The following BPNT1 variants were observed in gnomAD, a reference collection of about 807,000 sequenced individuals.
The protein encoded by BPNT1 is 3'(2'), 5'-bisphosphate nucleotidase 1, also known as 3'(2'),5'-bisphosphate nucleotidase 1.
Under a neutral mutation model 36.9 loss-of-function variants are expected in BPNT1, and 28 were observed. The observed-to-expected ratio is 0.76, with a 90% CI of 0.56 to 1.04. BPNT1 has a LOEUF of 1.04. Ranked by LOEUF, BPNT1 falls within the 50% of genes least tolerant of loss-of-function variation. The pLI, the probability that BPNT1 is intolerant of heterozygous loss-of-function variation, is 0.00. For missense variants in BPNT1, 313 were observed against 372.9 expected (o/e 0.84, Z 1.32); for synonymous variants, 119 against 130.9 (o/e 0.91, Z 0.62).
Position 220,058,907 on chromosome 1 carries a change from C to T in BPNT1, c.864G>A (p.Leu288=). The change falls in exon 9 of 9, where the codon CTG becomes CTA. Residue 288 remains leucine, a synonymous_variant. Transcript: ENST00000322067. ...GGCTTGCATAGTAGTCATAATTCCT[C>T]AGTGTGGCCAGGACTCCTGCAGAGT... is the stretch of plus-strand genomic sequence containing the variant. ...HMNSAGVLAT[L]RNYDYYASRV... The T allele has an allele frequency of 1.2e-6, 2 of 1,614,060 alleles. No individual in the cohort carries two copies. The highest frequency in any genetic ancestry group is 1.7e-6 in the Non-Finnish European group (2 of 1,179,936).
chr1:220,066,247 C>A (rs1350909840), intron 6 of BPNT1: 3 of 507,082 alleles, frequency 5.9e-6, no homozygotes, highest in Non-Finnish European at 9.9e-6. Flanking sequence ...TTAAATGCCC[C>A]TTTTGAAAGT....
At position 220,070,697 on chromosome 1, in the gene BPNT1, C is replaced by T. The variant is rs375088916; in HGVS notation, c.334-1265G>A. ...CAGAATGGTCTTGATCTCTTGACCT[C>T]GTGATCCGCCTACCTCAGCCTCCCA... On this transcript the variant is annotated intron_variant, in intron 4 of 8. Transcript: ENST00000322067. Among the ~76,000 whole-genome samples the T allele has an allele frequency of 1.3e-4, 20 of 150,850 alleles. No homozygotes were observed. The East Asian group carries it at 1.8e-3, about 14-fold the overall frequency.
At chr1:220,070,607 G>A (rs370900869) in intron 4 of BPNT1, among the ~76,000 whole-genome samples, 6 of 151,810 alleles carry the variant, frequency 4.0e-5, no homozygotes, top group South Asian at 2.1e-4. Context: ...GACTACAGGC[G>A]CGCACCACCA....
chr1:220,082,182 A>T (rs1297887756), intron 1 of BPNT1, among the ~76,000 whole-genome samples: 5 of 128,338 alleles, frequency 3.9e-5, no homozygotes, highest in African/African-American at 1.2e-4. Context: ...TATATTTTTT[A>T]TATATATATA....
chr1:220,085,492 A>G (rs1309110497), intron 1 of BPNT1, among the ~76,000 whole-genome samples: 1 of 152,216 alleles, frequency 6.6e-6, no homozygotes, highest in African/African-American at 2.4e-5. Flanking sequence ...TACTCATAGT[A>G]TAGGGCTGCT....
At chr1:220,088,276 C>A (rs1655930854) in intron 1 of BPNT1, among the ~76,000 whole-genome samples, 1 of 150,438 alleles carries the variant, frequency 6.6e-6, no homozygotes, top group Non-Finnish European at 1.5e-5. Context: ...GGTGAATCAC[C>A]TGAAGTTAGG....
chr1:220,088,689 C>T lies in BPNT1; in HGVS notation c.-9+997G>A, dbSNP rs201522597. On this transcript the variant is annotated intron_variant, in intron 1 of 8. Transcript: ENST00000322067. The stretch of plus-strand genomic sequence containing the variant: ...CCTGTAGTCCCAGCTGCTCGGGAGG[C>T]TGAGGTGGGAGAATCACCAGACCCT... Among the ~76,000 whole-genome samples the T allele has an allele frequency of 1.0e-4, 15 of 150,478 alleles. No homozygotes were observed. The East Asian group carries it at 2.9e-3, about 30-fold the overall frequency.
chr1:220,071,428 A>G (rs1664048608), intron 4 of BPNT1, among the ~76,000 whole-genome samples: 1 of 152,130 alleles, frequency 6.6e-6, no homozygotes, highest in African/African-American at 2.4e-5. Context: ...AATCTACTAC[A>G]TATCTACTAA....
At chr1:220,080,482 A>T (rs569245264) in intron 1 of BPNT1, among the ~76,000 whole-genome samples, 4 of 152,230 alleles carry the variant, frequency 2.6e-5, no homozygotes, top group Non-Finnish European at 5.9e-5. Flanking sequence ...ATTGACTCAC[A>T]GTTCAGCATG....
At position 220,082,083 on chromosome 1, in the gene BPNT1, T is replaced by TAGAG. The variant is rs1239049784; in HGVS notation, c.-8-2230_-8-2229insCTCT. Among the ~76,000 whole-genome samples, 246 of 110,802 alleles carry TAGAG rather than the reference T, an allele frequency of 2.2e-3. 1 individual carries two copies. The highest frequency in any genetic ancestry group is 7.0e-3 in the African/African-American group (208 of 29,828). The allele number at this position is 110,802 out of a possible 152,430, so 72.7% of individuals were successfully genotyped here. A position where few individuals can be genotyped will look rare whatever the true frequency, so the allele number is the denominator to read the frequency against. Reference sequence around the variant, plus strand: ...AGGACAATATATATATATATATATATATAGAGAGAGAGAGAGAGAGAGAGA... The same window carrying TAGAG: ...AGGACAATATATATATATATATATATAGAGATAGAGAGAGAGAGAGAGAGAGAGA... On this transcript the variant is annotated intron_variant, in intron 1 of 8. Coordinates refer to ENST00000322067, the MANE Select transcript of BPNT1 (RefSeq NM_006085.6).
intron 2 of BPNT1, among the ~76,000 whole-genome samples, chr1:220,075,192 C>A (rs1408321213): frequency 6.6e-6 from 1 of 151,952 alleles, no homozygotes; most frequent in Non-Finnish European, 1.5e-5. Flanking sequence ...TGCAGGTGTC[C>A]CCCACCATGC....
intron 1 of BPNT1, among the ~76,000 whole-genome samples, chr1:220,081,243 T>C (rs1655089067): frequency 6.6e-6 from 1 of 152,122 alleles, no homozygotes; most frequent in South Asian, 2.1e-4. Flanking sequence ...TGTACATTCC[T>C]TTGAACATAT....
At chr1:220,079,621 C>T in intron 2 of BPNT1, 106 bp downstream of exon 2, 6 of 1,353,404 alleles carry the variant, frequency 4.4e-6, no homozygotes, top group Non-Finnish European at 6.2e-6. Flanking sequence ...CTAAGGGAGC[C>T]ATCAATTATT....
At chr1:220,078,773 T>C (rs1664838621) in intron 2 of BPNT1, among the ~76,000 whole-genome samples, 2 of 151,644 alleles carry the variant, frequency 1.3e-5, no homozygotes, top group African/African-American at 4.8e-5. Flanking sequence ...AATTTTTGTA[T>C]TTTTAGTGGA....
chr1:220,077,426 G>A lies in BPNT1; in HGVS notation c.120+2301C>T, dbSNP rs528297737. On this transcript the variant is annotated intron_variant, in intron 2 of 8. Coordinates refer to ENST00000322067, the MANE Select transcript of BPNT1 (RefSeq NM_006085.6). ...TATTATTTATTTATTTTAGAGACAGGGTTTTACTCTGTTGCCCAGGCTGGA... is the reference window on the plus strand; with the variant it reads ...TATTATTTATTTATTTTAGAGACAGAGTTTTACTCTGTTGCCCAGGCTGGA... Among the ~76,000 whole-genome samples the A allele has an allele frequency of 4.6e-5, 7 of 151,612 alleles. No homozygotes were observed. In the East Asian group the frequency reaches 1.2e-3, roughly 25 times the overall value.
At chr1:220,083,894 T>A (rs1377872609) in intron 1 of BPNT1, among the ~76,000 whole-genome samples, 1 of 152,162 alleles carries the variant, frequency 6.6e-6, no homozygotes, top group African/African-American at 2.4e-5. Flanking sequence ...TCAACCTCCC[T>A]CATATACGGA....
chr1:220,088,993 C>T (rs1413563747), intron 1 of BPNT1, among the ~76,000 whole-genome samples: 1 of 145,138 alleles, frequency 6.9e-6, no homozygotes, highest in Non-Finnish European at 1.5e-5. Context: ...CCCAGCTACT[C>T]GGGAGGCTGA....
At chr1:220,073,019 T>TAAA in intron 3 of BPNT1, 62 bp from the exon 4 acceptor site, 2 of 1,273,106 alleles carry the variant, frequency 1.6e-6, no homozygotes, top group Non-Finnish European at 2.3e-6. Flanking sequence ...GTATGCTTTG[T>TAAA]CTCATTAACA....
At chr1:220,075,472 C>T (rs1472556274) in intron 2 of BPNT1, among the ~76,000 whole-genome samples, 1 of 152,156 alleles carries the variant, frequency 6.6e-6, no homozygotes, top group Non-Finnish European at 1.5e-5. Flanking sequence ...AATGTAAGCT[C>T]CACAAAAGGA....
Sources: gnomAD v4.1 joint callset for allele counts (sites outside exome capture counted in the v4.1 genomes callset) on GRCh38, gnomAD v4.1.1 for gene constraint, MANE v1.5 for transcripts, NCBI Gene and HGNC (gene_info 2026-07-23, HGNC 2026-07-21) for gene names.